Variants in GLS observed in about 807,000 individuals in gnomAD.
GLS encodes glutaminase kidney isoform, mitochondrial.
GLS carries 36 observed loss-of-function variants against 86.7 expected under a neutral mutation model. The ratio of observed to expected loss-of-function variants is 0.42; its 90% CI spans 0.32 to 0.55. The LOEUF (loss-of-function observed/expected upper bound fraction) is 0.55, where lower values mean the gene tolerates loss of function less well. Among genes scored for constraint, GLS ranks in the 20% least tolerant of loss-of-function variants. GLS has a pLI of 0.17. For missense variants in GLS, 528 were observed against 833.4 expected, an observed-to-expected ratio of 0.63 and a Z score of 4.51; for synonymous variants, 317 against 305.9, an observed-to-expected ratio of 1.04 and a Z score of -0.38.
Position 190,913,216 on chromosome 2 carries a change from TGGG to T in GLS, c.1038+2898_1038+2900del. 7.7e-7 allele frequency: 1 copy of T among 1,301,728 alleles called. No individual in the cohort carries two copies. Among genetic ancestry groups the T allele is most frequent in the Non-Finnish European group, 1.0e-6 (1 of 986,796 alleles). 80.6% of individuals were successfully genotyped at this position (1,301,728 alleles called of 1,614,324 possible). A position where few individuals can be genotyped will look rare whatever the true frequency, so the allele number is the denominator to read the frequency against. On this transcript the variant is annotated intron_variant, in intron 7 of 17. Transcript: ENST00000320717. The surrounding 1 kb of genome is among the most constrained non-coding windows in gnomAD (Gnocchi z 6.1). ...AGGATTGGTGGTGATCCTCAGGAAA[TGGG>T]GGAAGAGGCAGAGCAAATGTTCAAA...
rs148317217 is a variant in GLS, at chr2:190,938,759, A to G, written c.1650+7122A>G. Reference sequence around the variant, plus strand: ...ATAATTGGCAGTAGTTAATGTGACTATAAGTTATTTGGCAGATGGTACCAT... The same window carrying G: ...ATAATTGGCAGTAGTTAATGTGACTGTAAGTTATTTGGCAGATGGTACCAT... On this transcript the variant is annotated intron_variant, in intron 14 of 17. Coordinates refer to ENST00000320717, the MANE Select transcript of GLS (RefSeq NM_014905.5). This position sits in a 1 kb window ranked among gnomAD's most constrained non-coding sequence, Gnocchi z 4.1. Among the ~76,000 whole-genome samples, 648 of 151,852 alleles carry G rather than the reference A, an allele frequency of 4.3e-3. 7 individuals carry two copies. The highest frequency in any genetic ancestry group is 6.2e-3 in the Non-Finnish European group (417 of 67,654).
In GLS at chr2:190,954,472, T is replaced by C. The variant is rs1690808265; in HGVS notation, c.1713-112T>C. 1.5e-6 allele frequency: 1 copy of C among 688,690 alleles called. No homozygotes were observed. Among genetic ancestry groups the C allele is most frequent in the Non-Finnish European group, 2.5e-6 (1 of 398,010 alleles). The allele number at this position is 688,690 out of a possible 1,614,324, so 42.7% of individuals were successfully genotyped here. A position where few individuals can be genotyped will look rare whatever the true frequency, so the allele number is the denominator to read the frequency against. On this transcript the variant is annotated intron_variant, in intron 15 of 17. Coordinates refer to ENST00000320717, the MANE Select transcript of GLS (RefSeq NM_014905.5). This position sits in a 1 kb window ranked among gnomAD's most constrained non-coding sequence, Gnocchi z 4.0. ...GGTCGGTAGTTCCCATTAATGAGCT[T>C]GATGAAGGATGGCACCTGACAGGGC... is the stretch of plus-strand genomic sequence containing the variant.
intron 14 of GLS, among the ~76,000 whole-genome samples, chr2:190,937,840 G>GTTTTT (rs1197759246): frequency 7.8e-6 from 1 of 128,400 alleles, no homozygotes; most frequent in African/African-American, 2.9e-5. Context: ...GAATCTGTGG[G>GTTTTT]TTTTTTTTTT....
intron 14 of GLS, among the ~76,000 whole-genome samples, chr2:190,945,436 G>A (rs1231816569): frequency 2.0e-5 from 3 of 152,036 alleles, no homozygotes; most frequent in Non-Finnish European, 2.9e-5. Flanking sequence ...GGTGTCAGGA[G>A]GATTGCTTGA....
chr2:190,912,657 A>C (rs1314999999), intron 7 of GLS, among the ~76,000 whole-genome samples: 1 of 152,146 alleles, frequency 6.6e-6, no homozygotes, highest in African/African-American at 2.4e-5. Context: ...TTGTAACAGC[A>C]GTAGAATTGG....
intron 3 of GLS, among the ~76,000 whole-genome samples, chr2:190,899,698 A>G (rs1688871909): frequency 6.6e-6 from 1 of 152,150 alleles, no homozygotes. Flanking sequence ...AGCTCAGAAT[A>G]TACAATTGGC....
Position 190,935,838 on chromosome 2 carries a change from G to A in GLS, c.1650+4201G>A, listed in dbSNP as rs1056568707. On this transcript the variant is annotated intron_variant, in intron 14 of 17. Coordinates refer to ENST00000320717, the MANE Select transcript of GLS (RefSeq NM_014905.5). This position sits in a 1 kb window ranked among gnomAD's most constrained non-coding sequence, Gnocchi z 4.2. ...ATTCACCTTAACTGGTTTCTGAGGG[G>A]ATTACATTTTCAGAAGGAATTTTGT... Among the ~76,000 whole-genome samples, 2 of 151,076 alleles carry A rather than the reference G, an allele frequency of 1.3e-5. No homozygotes were observed. The highest frequency in any genetic ancestry group is 4.8e-5 in the African/African-American group (2 of 41,330).
At chr2:190,933,950 A>C in intron 14 of GLS, 1 of 924,268 alleles carries the variant, frequency 1.1e-6, no homozygotes, top group Non-Finnish European at 1.3e-6. Flanking sequence ...GAGAATCAAA[A>C]CTTGTTTTTA....
Position 190,880,918 on chromosome 2 carries a change from G to GCAGCAGCAGCAGCAGCAGCAGCAC in GLS, c.-165_-164insGCAGCAGCAGCAGCAGCAGCACCA, listed in dbSNP as rs1209579567. 7.9e-6 allele frequency: 7 copies of GCAGCAGCAGCAGCAGCAGCAGCAC among 882,480 alleles called. No homozygotes were observed. Among genetic ancestry groups the GCAGCAGCAGCAGCAGCAGCAGCAC allele is most frequent in the East Asian group, 3.1e-5 (1 of 31,858 alleles). 54.7% of individuals were successfully genotyped at this position (882,480 alleles called of 1,614,324 possible). A position where few individuals can be genotyped will look rare whatever the true frequency, so the allele number is the denominator to read the frequency against. On this transcript the variant is annotated 5_prime_UTR_variant, in exon 1 of 18. Transcript: ENST00000320717. ...AGCAGCAGCAGCAGCAGCAGCAGCA[G>GCAGCAGCAGCAGCAGCAGCAGCAC]CACCCGCATCCGCTGCGGGAGTCCG...
chr2:190,890,732 G>A (rs991007312), intron 1 of GLS, among the ~76,000 whole-genome samples: 9 of 152,058 alleles, frequency 5.9e-5, no homozygotes, highest in Admixed American at 3.9e-4. Context: ...TCATCTGAAG[G>A]ATCATTATTC....
intron 14 of GLS, among the ~76,000 whole-genome samples, chr2:190,942,690 G>A (rs543922683): frequency 6.6e-6 from 1 of 152,358 alleles, no homozygotes; most frequent in East Asian, 1.9e-4. Flanking sequence ...CAAACCTTGG[G>A]AGTATGGGAA....
chr2:190,883,099 T>G (rs1688259336), intron 1 of GLS, among the ~76,000 whole-genome samples: 1 of 152,150 alleles, frequency 6.6e-6, no homozygotes. Flanking sequence ...GCCTCTCTTT[T>G]TTTTCCTCTT....
rs1170531487 is a variant in GLS, at chr2:190,897,372, A to G, written c.605+1647A>G. ...AAATATGAAATTAAAAACAATTTAA[A>G]TCCTCTGATTATTAAGCCAGGGAAC... On this transcript the variant is annotated intron_variant, in intron 3 of 17. Coordinates refer to ENST00000320717, the MANE Select transcript of GLS (RefSeq NM_014905.5). This position sits in a 1 kb window ranked among gnomAD's most constrained non-coding sequence, Gnocchi z 4.3. Among the ~76,000 whole-genome samples the G allele has an allele frequency of 2.0e-5, 3 of 152,186 alleles. No homozygotes were observed. Among genetic ancestry groups the G allele is most frequent in the Non-Finnish European group, 4.4e-5 (3 of 68,018 alleles).
chr2:190,893,109 T>C (rs1688619244), intron 1 of GLS, among the ~76,000 whole-genome samples: 1 of 152,370 alleles, frequency 6.6e-6, no homozygotes, highest in Middle Eastern at 3.4e-3. Context: ...ATAATTGGTA[T>C]GTTATTATCC....
At chr2:190,887,194 T>C (rs1285795951) in intron 1 of GLS, among the ~76,000 whole-genome samples, 1 of 152,214 alleles carries the variant, frequency 6.6e-6, no homozygotes, top group Non-Finnish European at 1.5e-5. Flanking sequence ...ATTACTGATA[T>C]CTCTCAGTGA....
chr2:190,912,886 T>TAA (rs1689410716), intron 7 of GLS, among the ~76,000 whole-genome samples: 3 of 152,322 alleles, frequency 2.0e-5, no homozygotes, highest in Middle Eastern at 6.8e-3. Flanking sequence ...TAGCAAGTGT[T>TAA]ACGTAGTCAT....
At chr2:190,933,435 T>A (rs1298751416) in intron 14 of GLS, 2 of 875,770 alleles carry the variant, frequency 2.3e-6, no homozygotes. Context: ...CTTTACATTT[T>A]AAAAAATTTA....
rs1250951163 is a variant in GLS at position 190,935,783 on chromosome 2, T to C, written c.1650+4146T>C. Reference sequence around the variant, plus strand: ...TAAAACTGTTAATCTCAGTAGAATTTATATTAAACAGAATGACAGTGATAC... The same window carrying C: ...TAAAACTGTTAATCTCAGTAGAATTCATATTAAACAGAATGACAGTGATAC... On this transcript the variant is annotated intron_variant, in intron 14 of 17. Coordinates refer to ENST00000320717, the MANE Select transcript of GLS (RefSeq NM_014905.5). This position sits in a 1 kb window ranked among gnomAD's most constrained non-coding sequence, Gnocchi z 4.2. 6.6e-6 allele frequency among the ~76,000 whole-genome samples: 1 copy of C among 151,292 alleles called. No individual in the cohort carries two copies. Among genetic ancestry groups the C allele is most frequent in the African/African-American group, 2.4e-5 (1 of 41,398 alleles).
rs750647689 is a variant in GLS, at chr2:190,949,994, A to AATAT, written c.1651-3558_1651-3555dup. On this transcript the variant is annotated intron_variant, in intron 14 of 17. Coordinates refer to ENST00000320717, the MANE Select transcript of GLS (RefSeq NM_014905.5). The surrounding 1 kb of genome is among the most constrained non-coding windows in gnomAD (Gnocchi z 4.0). The stretch of plus-strand genomic sequence containing the variant: ...TTAAAAAGGATATAGTTAACAATAC[A>AATAT]ATATATATATATATATGAAGGGGAA... Among the ~76,000 whole-genome samples, 35 of 148,168 alleles carry AATAT rather than the reference A, an allele frequency of 2.4e-4. No individual in the cohort carries two copies. The highest frequency in any genetic ancestry group is 7.4e-4 in the African/African-American group (30 of 40,544).
Sources: allele counts gnomAD v4.1 joint callset (sites outside exome capture counted in the v4.1 genomes callset), GRCh38; gene constraint gnomAD v4.1.1; non-coding constraint Gnocchi (gnomAD v3.1); transcripts MANE v1.5; gene names NCBI Gene and HGNC (gene_info 2026-07-23, HGNC 2026-07-21).